TRHDE: variants seen among roughly 807,000 people sequenced by gnomAD.
TRHDE encodes the protein thyrotropin-releasing hormone-degrading ectoenzyme.
TRHDE carries 72 observed loss-of-function variants against 125.7 expected under a neutral mutation model. The ratio of observed to expected loss-of-function variants is 0.57; its 90% CI spans 0.47 to 0.70. The LOEUF is 0.70. Among genes scored for constraint, TRHDE ranks in the 30% least tolerant of loss-of-function variants. The pLI is 0.00. For missense variants in TRHDE, 1,110 were observed against 1,327.1 expected (o/e 0.84, Z 2.54); for synonymous variants, 509 against 509.1 (o/e 1.00, Z 0.00).
At chr12:72,417,453 A>G (rs143357442) in intron 3 of TRHDE, among the ~76,000 whole-genome samples, 11 of 152,168 alleles carry the variant, frequency 7.2e-5, no homozygotes, top group African/African-American at 2.6e-4. Context: ...GACAAGCCAC[A>G]GCATTACTCA....
Position 72,396,554 on chromosome 12 carries a change from G to A in TRHDE, c.1315+18433G>A, listed in dbSNP as rs374964600. Among the ~76,000 whole-genome samples the A allele has an allele frequency of 5.3e-5, 8 of 152,190 alleles. No individual in the cohort carries two copies. In the South Asian group the frequency reaches 1.2e-3, roughly 24 times the overall value. On this transcript the variant is annotated intron_variant, in intron 3 of 18. Transcript: ENST00000261180. ...AGGTCAAGAAATCGAGACCATCCTG[G>A]CCAACATGGGGAAACCCCATCTCTA...
At chr12:72,353,793 G>A (rs1418631310) in intron 2 of TRHDE, among the ~76,000 whole-genome samples, 1 of 151,554 alleles carries the variant, frequency 6.6e-6, no homozygotes, top group Non-Finnish European at 1.5e-5. Flanking sequence ...CAAATGCTGG[G>A]GAGAATGTGA....
At chr12:72,642,652 T>G (rs993617338) in intron 15 of TRHDE, among the ~76,000 whole-genome samples, 1 of 152,156 alleles carries the variant, frequency 6.6e-6, no homozygotes, top group African/African-American at 2.4e-5. Context: ...CAGTTTTCCT[T>G]CCCAGATAAT....
chr12:72,337,992 G>A (rs903022219), intron 2 of TRHDE, among the ~76,000 whole-genome samples: 10 of 129,498 alleles, frequency 7.7e-5, no homozygotes, highest in South Asian at 2.6e-4. Context: ...AGCAGAACTC[G>A]GAAAAAAAAG....
intron 12 of TRHDE, among the ~76,000 whole-genome samples, chr12:72,604,636 TATA>T (rs1162410000): frequency 1.3e-5 from 2 of 152,070 alleles, no homozygotes; most frequent in East Asian, 3.8e-4. Flanking sequence ...CTTAAACTAA[TATA>T]ATTCTTATTT....
At chr12:72,099,586 G>A (rs890830242) in intron 1 of TRHDE, among the ~76,000 whole-genome samples, 10 of 152,094 alleles carry the variant, frequency 6.6e-5, no homozygotes, top group African/African-American at 2.4e-4. Flanking sequence ...TCCGATGAAT[G>A]CCAGCCTTCA....
chr12:72,161,389 C>T (rs753217890), intron 2 of TRHDE, among the ~76,000 whole-genome samples: 2 of 150,388 alleles, frequency 1.3e-5, no homozygotes, highest in African/African-American at 2.5e-5. Flanking sequence ...ACTGAGATCT[C>T]GCCACTGCAC....
In TRHDE at chr12:72,198,214, G is replaced by T. The variant is rs149824971; in HGVS notation, n.279+92462G>T. On this transcript the variant is annotated intron_variant and non_coding_transcript_variant, in intron 2 of 4. Coordinates refer to the TRHDE transcript ENST00000548156. ...ACATTTTTTAATCCATTCATCAGTT[G>T]ATGGACATTTGGGTTGTTTTTCCTT... 9.6e-3 allele frequency among the ~76,000 whole-genome samples: 1,458 copies of T among 152,014 alleles called. 21 individuals carry two copies. The highest frequency in any genetic ancestry group is 0.033 in the African/African-American group (1,371 of 41,458).
chr12:72,630,584 C>T (rs1030854568), intron 15 of TRHDE, among the ~76,000 whole-genome samples: 1 of 151,606 alleles, frequency 6.6e-6, no homozygotes, highest in African/African-American at 2.4e-5. Flanking sequence ...TATATTCAAG[C>T]CTTGATGTAT....
chr12:72,415,679 A>C (rs1261688425), intron 3 of TRHDE, among the ~76,000 whole-genome samples: 2 of 151,798 alleles, frequency 1.3e-5, no homozygotes, highest in South Asian at 2.1e-4. Flanking sequence ...ACTTAACACA[A>C]TATGCTCCAG....
intron 2 of TRHDE, among the ~76,000 whole-genome samples, chr12:72,205,692 CT>C (rs889667332): frequency 1.3e-5 from 2 of 152,032 alleles, no homozygotes; most frequent in African/African-American, 4.8e-5. Context: ...CAGAATTTTC[CT>C]TTTTTAAACA....
chr12:72,094,898 C>A (rs1361751408), intron 1 of TRHDE, among the ~76,000 whole-genome samples: 1 of 152,194 alleles, frequency 6.6e-6, no homozygotes, highest in Non-Finnish European at 1.5e-5. Context: ...ACATGAATCC[C>A]AACACGAAGG....
intron 6 of TRHDE, among the ~76,000 whole-genome samples, chr12:72,532,869 A>T (rs1404917961): frequency 6.6e-6 from 1 of 151,124 alleles, no homozygotes; most frequent in East Asian, 1.9e-4. Flanking sequence ...TATTTATCCC[A>T]TCAATTATGT....
chr12:72,586,374 T>C (rs1871440308), intron 12 of TRHDE, among the ~76,000 whole-genome samples: 1 of 152,172 alleles, frequency 6.6e-6, no homozygotes, highest in African/African-American at 2.4e-5. Context: ...ATACATGATG[T>C]TCTCTCTTAA....
At chr12:72,154,838 A>C (rs539821130) in intron 2 of TRHDE, among the ~76,000 whole-genome samples, 254 of 152,054 alleles carry the variant, frequency 1.7e-3, no homozygotes, top group Middle Eastern at 0.01. Context: ...TTTTTCCTTC[A>C]TTTCAACTTT....
chr12:72,351,278 T>C (rs556997715), intron 2 of TRHDE, among the ~76,000 whole-genome samples: 1 of 152,114 alleles, frequency 6.6e-6, no homozygotes, highest in South Asian at 2.1e-4. Context: ...CATATATTGG[T>C]CTGCAAAATT....
intron 3 of TRHDE, among the ~76,000 whole-genome samples, chr12:72,418,256 A>T (rs1392866214): frequency 1.3e-5 from 2 of 152,028 alleles, no homozygotes; most frequent in East Asian, 3.9e-4. Context: ...TAGTGGCAGA[A>T]TGTAAGGTAA....
At chr12:72,356,170 G>A (rs550412990) in intron 2 of TRHDE, among the ~76,000 whole-genome samples, 1 of 151,644 alleles carries the variant, frequency 6.6e-6, no homozygotes, top group Non-Finnish European at 1.5e-5. Context: ...TGGATAGAGA[G>A]AATGTAGTAC....
chr12:72,416,235 A>G (rs1039240313), intron 3 of TRHDE, among the ~76,000 whole-genome samples: 3 of 151,948 alleles, frequency 2.0e-5, no homozygotes, highest in Non-Finnish European at 2.9e-5. Flanking sequence ...TATTTGAAAC[A>G]TTGGAATATT....
Sources: allele counts gnomAD v4.1 joint callset (sites outside exome capture counted in the v4.1 genomes callset), GRCh38; gene constraint gnomAD v4.1.1; transcripts MANE v1.5; gene names NCBI Gene and HGNC (gene_info 2026-07-23, HGNC 2026-07-21).